KANK1: variants seen among roughly 807,000 people sequenced by gnomAD.
KANK1 encodes KN motif and ankyrin repeat domains 1, also known as KN motif and ankyrin repeat domain-containing protein 1.
A neutral mutation model predicts 106.2 loss-of-function variants in KANK1; 109 were observed. The observed-to-expected ratio is 1.03, with a 90% confidence interval of 0.88 to 1.20. The LOEUF (loss-of-function observed/expected upper bound fraction) is 1.20, where lower values mean the gene tolerates loss of function less well. Among genes scored for constraint, KANK1 ranks in the 50% most tolerant of loss-of-function variants. The probability of loss-of-function intolerance (pLI) is 0.00; values close to 1 mark genes in which losing one functional copy is unlikely to be tolerated. For synonymous variants in KANK1, 873 were observed against 652.2 expected (o/e 1.34, Z -5.16); for missense variants, 2,399 against 1,710.7 (o/e 1.40, Z -7.10).
At chr9:638,019 G>C (rs1837548027) in intron 1 of KANK1, among the ~76,000 whole-genome samples, 1 of 152,160 alleles carries the variant, frequency 6.6e-6, no homozygotes, top group Non-Finnish European at 1.5e-5. Flanking sequence ...AATGGCTGTA[G>C]AAGTGCCAGG....
intron 1 of KANK1, among the ~76,000 whole-genome samples, chr9:658,829 G>A (rs1312625255): frequency 9.9e-5 from 15 of 152,052 alleles, no homozygotes; most frequent in South Asian, 2.1e-4. Context: ...GCTGTATGCT[G>A]TTCCTGGGAC....
At chr9:643,152 G>C (rs2137223118) in intron 1 of KANK1, among the ~76,000 whole-genome samples, 1 of 150,890 alleles carries the variant, frequency 6.6e-6, no homozygotes, top group South Asian at 2.1e-4. Context: ...ATCTGTTGAA[G>C]ATGGGGAGTG....
At chr9:565,949 T>G (rs1010129048) in intron 1 of KANK1, among the ~76,000 whole-genome samples, 1 of 152,210 alleles carries the variant, frequency 6.6e-6, no homozygotes, top group Non-Finnish European at 1.5e-5. Context: ...GTTGTACAGA[T>G]TGTTTCATCA....
At chr9:642,858 C>G (rs1174868419) in intron 1 of KANK1, among the ~76,000 whole-genome samples, 2 of 149,878 alleles carry the variant, frequency 1.3e-5, no homozygotes, top group African/African-American at 5.1e-5. Context: ...TTAGGCCTCT[C>G]CTTGGCTGTC....
Position 712,184 on chromosome 9 carries a change from A to G in KANK1, c.1418A>G (p.Glu473Gly). 6.2e-7 allele frequency: 1 copy of G among 1,614,200 alleles called. No homozygotes were observed. The highest frequency in any genetic ancestry group is 8.5e-7 in the Non-Finnish European group (1 of 1,180,040). Residue 473 changes from glutamate to glycine, a missense_variant, in exon 3 of 12, where the codon GAA (glutamate) becomes GGA (glycine). Physicochemically the swap from Glu to Gly is moderately conservative, Grantham distance 98. Coordinates refer to ENST00000382297, the MANE Select transcript of KANK1 (RefSeq NM_015158.5). ...TTGAAGGAAAAGATCTATCGCCTAG[A>G]AGTACAGCTTAGAGAAACCACCCAT... ...ESLKEKIYRL[E>G]VQLRETTHDR...
At chr9:607,713 G>T (rs1829578854) in intron 1 of KANK1, among the ~76,000 whole-genome samples, 1 of 151,572 alleles carries the variant, frequency 6.6e-6, no homozygotes, top group African/African-American at 2.4e-5. Flanking sequence ...TGGCAGGGCT[G>T]TAAGAACCTC....
chr9:539,743 TC>T (rs2060489240), intron 1 of KANK1: 5 of 152,228 alleles, frequency 3.3e-5, no homozygotes, highest in Admixed American at 3.3e-4. Context: ...TGCCTTGGCT[TC>T]CCAAAGTGCT....
intron 1 of KANK1, among the ~76,000 whole-genome samples, chr9:655,872 A>C (rs1842032978): frequency 6.6e-6 from 1 of 152,134 alleles, no homozygotes; most frequent in Admixed American, 6.5e-5. Context: ...ATGTTTGTAA[A>C]TTAATTTTGC....
chr9:711,534 C>G lies in KANK1; in HGVS notation c.768C>G (p.Ser256Arg). The G allele has an allele frequency of 6.2e-7, 1 of 1,613,618 alleles. No homozygotes were observed. Among genetic ancestry groups the G allele is most frequent in the Non-Finnish European group, 8.5e-7 (1 of 1,179,750 alleles). Residue 256 changes from serine to arginine, a missense_variant, in exon 3 of 12, where the codon AGC becomes AGG. By Grantham distance (110) the Ser-to-Arg change is moderately radical (BLOSUM62 -1). Transcript: ENST00000382297. ...TCTCCACCCCAGTGACCAACGTGAG[C>G]CCCATGCACCTGCAGCACATCCGCG... is the stretch of plus-strand genomic sequence containing the variant. ...SGISTPVTNV[S>R]PMHLQHIREQ...
chr9:565,211 C>A (rs1024502027), intron 1 of KANK1, among the ~76,000 whole-genome samples: 3 of 152,214 alleles, frequency 2.0e-5, no homozygotes, highest in African/African-American at 7.2e-5. Context: ...CTGTTAAGAT[C>A]TTTCCCACCC....
In KANK1 at chr9:730,169, C is replaced by G. The variant is rs1412627379; in HGVS notation, c.2817C>G (p.Ser939Arg). 1.9e-6 allele frequency: 3 copies of G among 1,614,188 alleles called. No homozygotes were observed. Among genetic ancestry groups the G allele is most frequent in the South Asian group, 1.1e-5 (1 of 91,082 alleles). ...CCTCAGAAGGAAAGCCAATCAGCAG[C>G]CTGGATGCCTTCCCCACTCAGGAAG... ...VGTSEGKPIS[S>R]LDAFPTQEGT... The change falls in exon 4 of 12, where the codon AGC (serine) becomes AGG (arginine). Residue 939 changes from serine to arginine, a missense_variant. Physicochemically the swap from Ser to Arg is moderately radical, Grantham distance 110. Transcript: ENST00000382297.
intron 1 of KANK1, among the ~76,000 whole-genome samples, chr9:641,499 A>G (rs1317994169): frequency 6.6e-6 from 1 of 152,314 alleles, no homozygotes; most frequent in East Asian, 1.9e-4. Flanking sequence ...CATGAACAAC[A>G]TGCAAATGGA....
chr9:706,580 T>C (rs1824233592), intron 2 of KANK1, among the ~76,000 whole-genome samples: 1 of 152,058 alleles, frequency 6.6e-6, no homozygotes, highest in Non-Finnish European at 1.5e-5. Context: ...TTTTTTTTTT[T>C]TTAATGTTTT....
intron 1 of KANK1, among the ~76,000 whole-genome samples, chr9:510,862 C>T (rs7874553): frequency 3.3e-5 from 5 of 152,034 alleles, no homozygotes; most frequent in African/African-American, 1.2e-4. Context: ...CTCCTTTCCC[C>T]TCAGGTAAAA....
Position 661,947 on chromosome 9 carries a change from C to T in KANK1, c.-83-14943C>T, listed in dbSNP as rs547622919. Among the ~76,000 whole-genome samples the T allele has an allele frequency of 5.9e-5, 9 of 152,212 alleles. No individual in the cohort carries two copies. The East Asian group carries it at 1.7e-3, about 29-fold the overall frequency. ...TCTTTTGAGAAGTGTCTGTTCATGT[C>T]CTTCGCCCACTTTTTGATGGGGTTG... On this transcript the variant is annotated intron_variant, in intron 1 of 11. Coordinates refer to ENST00000382297, the MANE Select transcript of KANK1 (RefSeq NM_015158.5).
intron 1 of KANK1, among the ~76,000 whole-genome samples, chr9:523,426 C>T (rs902281711): frequency 6.6e-6 from 1 of 151,796 alleles, no homozygotes; most frequent in African/African-American, 2.4e-5. Context: ...CTGCACTAGC[C>T]TGATACCTGG....
At chr9:499,151 C>T (rs1484854746) in intron 3 of KANK1, among the ~76,000 whole-genome samples, 5 of 151,190 alleles carry the variant, frequency 3.3e-5, no homozygotes, top group Non-Finnish European at 5.9e-5. Context: ...GCACTCCAAC[C>T]TGGGCAACAG....
intron 1 of KANK1, among the ~76,000 whole-genome samples, chr9:657,228 A>T (rs140566725): frequency 1.7e-4 from 26 of 152,286 alleles, no homozygotes; most frequent in Middle Eastern, 3.4e-3. Flanking sequence ...GCTAGATAAT[A>T]GTCCATTGTA....
intron 1 of KANK1, among the ~76,000 whole-genome samples, chr9:621,761 A>C (rs1833194823): frequency 6.6e-6 from 1 of 152,050 alleles, no homozygotes; most frequent in Non-Finnish European, 1.5e-5. Flanking sequence ...CTCAGTTTCC[A>C]GCCCTGCTTA....
Sources: gnomAD v4.1 joint callset for allele counts (sites outside exome capture counted in the v4.1 genomes callset) on GRCh38, gnomAD v4.1.1 for gene constraint, MANE v1.5 for transcripts, NCBI Gene and HGNC (gene_info 2026-07-23, HGNC 2026-07-21) for gene names.